The following PLOD2 variants were observed in gnomAD, a reference collection of about 807,000 sequenced individuals.
The protein encoded by PLOD2 is procollagen-lysine,2-oxoglutarate 5-dioxygenase 2.
PLOD2 carries 65 observed loss-of-function variants against 101.0 expected under a neutral mutation model. That is an observed-to-expected ratio of 0.64 (90% CI 0.53 to 0.79). The LOEUF is 0.79. Among genes scored for constraint, PLOD2 ranks in the 30% least tolerant of loss-of-function variants. The pLI is 0.00. For missense variants in PLOD2, 909 were observed against 914.6 expected, an observed-to-expected ratio of 0.99 and a Z score of 0.08; for synonymous variants, 314 against 302.9, an observed-to-expected ratio of 1.04 and a Z score of -0.38.
intron 1 of PLOD2, among the ~76,000 whole-genome samples, chr3:146,143,569 T>C (rs1232086404): frequency 1.3e-5 from 2 of 152,052 alleles, no homozygotes; most frequent in East Asian, 3.9e-4. Context: ...AGAATTTCCC[T>C]GTATCTACCC....
intron 7 of PLOD2, among the ~76,000 whole-genome samples, chr3:146,100,854 T>C (rs1326982082): frequency 1.3e-5 from 2 of 152,108 alleles, no homozygotes; most frequent in African/African-American, 2.4e-5. Context: ...AATCATTATA[T>C]AGGTGAGTAG....
intron 10 of PLOD2, 140 bp downstream of exon 10, chr3:146,086,647 T>A: frequency 1.9e-6 from 1 of 535,710 alleles, no homozygotes; most frequent in Non-Finnish European, 3.3e-6. Flanking sequence ...ATAGACACAG[T>A]CTAAGTTGGC....
At chr3:146,112,142 TGC>T (rs1937664546) in intron 3 of PLOD2, among the ~76,000 whole-genome samples, 1 of 152,190 alleles carries the variant, frequency 6.6e-6, no homozygotes, top group Non-Finnish European at 1.5e-5. Flanking sequence ...GCAATCCCAT[TGC>T]TGGGTATAAA....
intron 1 of PLOD2, among the ~76,000 whole-genome samples, chr3:146,127,143 G>T (rs780091421): frequency 2.0e-5 from 3 of 152,100 alleles, no homozygotes; most frequent in South Asian, 2.1e-4. Context: ...TCAGCAATAT[G>T]AGCTCAGCTG....
At chr3:146,090,966 C>G (rs550150246) in intron 8 of PLOD2, among the ~76,000 whole-genome samples, 2 of 151,878 alleles carry the variant, frequency 1.3e-5, no homozygotes, top group South Asian at 4.1e-4. Context: ...TATAATCTTC[C>G]ATGTTATGTC....
At chr3:146,081,116 T>C (rs1936525893) in intron 12 of PLOD2, among the ~76,000 whole-genome samples, 1 of 152,150 alleles carries the variant, frequency 6.6e-6, no homozygotes, top group South Asian at 2.1e-4. Context: ...TTCTCCAATA[T>C]TACCTTAGCA....
At chr3:146,095,608 G>A (rs1937121921) in intron 7 of PLOD2, among the ~76,000 whole-genome samples, 1 of 152,068 alleles carries the variant, frequency 6.6e-6, no homozygotes, top group Non-Finnish European at 1.5e-5. Context: ...CGCTGCTGGT[G>A]GGAGTGTAAA....
At chr3:146,108,851 C>A (rs1464641864) in intron 4 of PLOD2, among the ~76,000 whole-genome samples, 1 of 152,092 alleles carries the variant, frequency 6.6e-6, no homozygotes, top group Non-Finnish European at 1.5e-5. Flanking sequence ...AAAATTTCAA[C>A]AAGTATAAAA....
intron 1 of PLOD2, among the ~76,000 whole-genome samples, chr3:146,134,595 T>C (rs1380813244): frequency 1.3e-5 from 2 of 152,238 alleles, no homozygotes; most frequent in African/African-American, 4.8e-5. Flanking sequence ...CAAGGTTATG[T>C]AGCTTGCTGA....
intron 4 of PLOD2, among the ~76,000 whole-genome samples, chr3:146,109,444 C>T (rs1012109398): frequency 6.6e-6 from 1 of 152,174 alleles, no homozygotes; most frequent in South Asian, 2.1e-4. Context: ...AGTGGCTAAG[C>T]AAAGCCTAGA....
At chr3:146,073,947 CCTT>C (rs1936241723) in intron 15 of PLOD2, among the ~76,000 whole-genome samples, 1 of 151,154 alleles carries the variant, frequency 6.6e-6, no homozygotes, top group South Asian at 2.1e-4. Flanking sequence ...AAAATTTCTG[CCTT>C]CACTTCAGTT....
chr3:146,107,153 G>T (rs1937549080), intron 4 of PLOD2, among the ~76,000 whole-genome samples: 1 of 152,162 alleles, frequency 6.6e-6, no homozygotes, highest in Non-Finnish European at 1.5e-5. Flanking sequence ...ACATCCCAAA[G>T]AAATTTTATA....
In PLOD2 at chr3:146,110,271, A is replaced by C. The variant is rs781464710; in HGVS notation, c.502+14T>G. 1.2e-6 allele frequency: 2 copies of C among 1,610,420 alleles called. No homozygotes were observed. The highest frequency in any genetic ancestry group is 3.3e-5 in the Admixed American group (2 of 59,974). On this transcript the variant is annotated intron_variant, in intron 4 of 19. Coordinates refer to ENST00000282903, the MANE Select transcript of PLOD2 (RefSeq NM_182943.3). ...ATAACTTGCATTAAACTTTTCTTCC[A>C]GTATCTAACTCACCTCCTGAATTCA...
chr3:146,095,494 C>A (rs540898271), intron 7 of PLOD2, among the ~76,000 whole-genome samples: 2 of 152,172 alleles, frequency 1.3e-5, no homozygotes, highest in South Asian at 4.2e-4. Context: ...AAATGCAAAT[C>A]AAAACCACAA....
intron 12 of PLOD2, 103 bp downstream of exon 12, chr3:146,081,635 T>C (rs925438207): frequency 9.0e-6 from 8 of 889,264 alleles, no homozygotes; most frequent in Non-Finnish European, 1.4e-5. Context: ...CCATTAACTA[T>C]AAAGAAAAGA....
At position 146,071,268 on chromosome 3, in the gene PLOD2, G is replaced by T; in HGVS notation, c.1995+9C>A. The T allele has an allele frequency of 6.2e-7, 1 of 1,611,412 alleles. No homozygotes were observed. The highest frequency in any genetic ancestry group is 1.7e-5 in the Admixed American group (1 of 59,746). The stretch of plus-strand genomic sequence containing the variant: ...AAGAAATAGGCTGGAGGGGTGAGAG[G>T]ATAACTACCTTCGTATAATAGCCTG... On this transcript the variant is annotated intron_variant, in intron 18 of 19. Coordinates refer to ENST00000282903, the MANE Select transcript of PLOD2 (RefSeq NM_182943.3).
rs1362817427 is a variant in PLOD2 at position 146,130,017 on chromosome 3, C to T, written c.110-5788G>A. Among the ~76,000 whole-genome samples, 3 of 152,284 alleles carry T rather than the reference C, an allele frequency of 2.0e-5. No individual in the cohort carries two copies. The South Asian group carries it at 6.2e-4, about 32-fold the overall frequency. ...ATGTCACTTCATTGGTAAATACCCT[C>T]TTAGGATAGTAGAGAAACTCCATTA... On this transcript the variant is annotated intron_variant, in intron 1 of 19. Coordinates refer to ENST00000282903, the MANE Select transcript of PLOD2 (RefSeq NM_182943.3).
chr3:146,136,781 G>A (rs2031253545), intron 1 of PLOD2, among the ~76,000 whole-genome samples: 1 of 152,162 alleles, frequency 6.6e-6, no homozygotes, highest in African/African-American at 2.4e-5. Flanking sequence ...GGTTTGTAGT[G>A]TAGAAACAGT....
intron 7 of PLOD2, among the ~76,000 whole-genome samples, chr3:146,098,942 A>T (rs1937292200): frequency 6.6e-6 from 1 of 152,136 alleles, no homozygotes; most frequent in Non-Finnish European, 1.5e-5. Flanking sequence ...TACGTGACAT[A>T]CTCATTTGAA....
Sources: allele counts gnomAD v4.1 joint callset (sites outside exome capture counted in the v4.1 genomes callset), GRCh38; gene constraint gnomAD v4.1.1; transcripts MANE v1.5; gene names NCBI Gene and HGNC (gene_info 2026-07-23, HGNC 2026-07-21).